BDH1: variants seen among roughly 807,000 people sequenced by gnomAD.
BDH1 encodes the protein 3-hydroxybutyrate dehydrogenase 1, also known as D-beta-hydroxybutyrate dehydrogenase, mitochondrial.
In BDH1, 30 loss-of-function variants were observed where a neutral mutation model predicts 33.1. The ratio of observed to expected loss-of-function variants is 0.91; its 90% CI spans 0.68 to 1.23. The LOEUF (loss-of-function observed/expected upper bound fraction) is 1.23, where lower values mean the gene tolerates loss of function less well. BDH1 is among the 50% of genes most tolerant of loss of function. The pLI is 0.00. For missense variants in BDH1, 443 were observed against 464.4 expected (o/e 0.95, Z 0.42); for synonymous variants, 190 against 183.6 (o/e 1.03, Z -0.28).
intron 1 of BDH1, among the ~76,000 whole-genome samples, chr3:197,566,686 A>G (rs1180725631): frequency 6.6e-6 from 1 of 152,260 alleles, no homozygotes; most frequent in African/African-American, 2.4e-5. Context: ...GAGAAACATT[A>G]TGATTCAAAA....
intron 2 of BDH1, among the ~76,000 whole-genome samples, chr3:197,547,305 G>A (rs1716168818): frequency 6.6e-6 from 1 of 152,206 alleles, no homozygotes; most frequent in Non-Finnish European, 1.5e-5. Context: ...AAGGCGGGCT[G>A]GTAAATGGGT....
chr3:197,544,668 G>A (rs553916001), intron 3 of BDH1, among the ~76,000 whole-genome samples: 2 of 152,360 alleles, frequency 1.3e-5, no homozygotes, highest in African/African-American at 4.8e-5. Flanking sequence ...TGCCAATGGG[G>A]CATTCTAAAC....
chr3:197,519,744 C>T (rs762638010), intron 6 of BDH1, among the ~76,000 whole-genome samples: 17 of 152,146 alleles, frequency 1.1e-4, no homozygotes, highest in Non-Finnish European at 1.9e-4. Flanking sequence ...TGCCCACGGC[C>T]TGCTCTCGGG....
chr3:197,514,104 C>T lies in BDH1; in HGVS notation c.562+160G>A. The T allele has an allele frequency of 2.0e-6, 2 of 980,680 alleles. No individual in the cohort carries two copies. The highest frequency in any genetic ancestry group is 2.9e-6 in the Non-Finnish European group (2 of 693,712). 60.7% of individuals were successfully genotyped at this position (980,680 alleles called of 1,614,324 possible). A position where few individuals can be genotyped will look rare whatever the true frequency, so the allele number is the denominator to read the frequency against. On this transcript the variant is annotated intron_variant, in intron 7 of 7. Transcript: ENST00000392379. The surrounding 1 kb of genome is among the most constrained non-coding windows in gnomAD (Gnocchi z 4.2). ...CCCCTACCCGGCCACAGCCCCTCTG[C>T]CCACCATCACCCCAGGCCCAGCATA...
Position 197,554,458 on chromosome 3 carries a change from A to C in BDH1, c.-44+104T>G, listed in dbSNP as rs1437850440. ...TGTAAATGTGTATTGAGTGAATATG[A>C]AAGCTTCACAAATTTCAAGGGTCAG... On this transcript the variant is annotated intron_variant, in intron 2 of 7. Coordinates refer to ENST00000392379, the MANE Select transcript of BDH1 (RefSeq NM_203314.3). The surrounding 1 kb of genome is among the most constrained non-coding windows in gnomAD (Gnocchi z 4.4). 3.3e-5 allele frequency: 5 copies of C among 152,226 alleles called. No homozygotes were observed. Among genetic ancestry groups the C allele is most frequent in the African/African-American group, 1.2e-4 (5 of 41,448 alleles). 9.4% of individuals were successfully genotyped at this position (152,226 alleles called of 1,614,324 possible). A position where few individuals can be genotyped will look rare whatever the true frequency, so the allele number is the denominator to read the frequency against.
chr3:197,524,758 CT>C (rs1483712023), intron 5 of BDH1, among the ~76,000 whole-genome samples: 7 of 151,700 alleles, frequency 4.6e-5, no homozygotes, highest in Admixed American at 1.3e-4. Context: ...TGGGGGGATG[CT>C]TGAGGATGGG....
At chr3:197,539,138 T>C (rs562397416) in intron 3 of BDH1, among the ~76,000 whole-genome samples, 38 of 152,000 alleles carry the variant, frequency 2.5e-4, no homozygotes, top group African/African-American at 8.0e-4. Flanking sequence ...TGAGATGGAG[T>C]TATATTTGAG....
chr3:197,559,703 G>T (rs1393126414), upstream of BDH1, among the ~76,000 whole-genome samples: 1 of 152,216 alleles, frequency 6.6e-6, no homozygotes, highest in Non-Finnish European at 1.5e-5. Context: ...CAAAGGCCCT[G>T]CCCCTTAGGG....
In BDH1 at chr3:197,521,173, T is replaced by A. The variant is rs1713505823; in HGVS notation, c.409+1467A>T. Among the ~76,000 whole-genome samples the A allele has an allele frequency of 1.3e-5, 2 of 152,202 alleles. No individual in the cohort carries two copies. The highest frequency in any genetic ancestry group is 4.8e-5 in the African/African-American group (2 of 41,448). On this transcript the variant is annotated intron_variant, in intron 6 of 7. Coordinates refer to ENST00000392379, the MANE Select transcript of BDH1 (RefSeq NM_203314.3). This position sits in a 1 kb window ranked among gnomAD's most constrained non-coding sequence, Gnocchi z 4.9. Reference sequence around the variant, plus strand: ...CCCATTCTGAGGGAAAGCAGAGGCCTGAATGACGCACACCCTTTCTGCCTG... The same window carrying A: ...CCCATTCTGAGGGAAAGCAGAGGCCAGAATGACGCACACCCTTTCTGCCTG...
intron 3 of BDH1, among the ~76,000 whole-genome samples, chr3:197,544,392 T>C (rs754751097): frequency 6.6e-6 from 1 of 152,212 alleles, no homozygotes; most frequent in Non-Finnish European, 1.5e-5. Flanking sequence ...TAATGCCTCA[T>C]TTTCCTTACA....
In BDH1 at chr3:197,515,015, G is replaced by C. The variant is rs563207653; in HGVS notation, c.410-599C>G. ...GGAAACCCTCAGTGTTTGGTCTCCC[G>C]GGCCGATAGCCCCGTGCTCCTTCCC... On this transcript the variant is annotated intron_variant, in intron 6 of 7. Coordinates refer to ENST00000392379, the MANE Select transcript of BDH1 (RefSeq NM_203314.3). 3.3e-5 allele frequency among the ~76,000 whole-genome samples: 5 copies of C among 152,310 alleles called. No individual in the cohort carries two copies. In the South Asian group the frequency reaches 1.0e-3, roughly 32 times the overall value.
intron 3 of BDH1, among the ~76,000 whole-genome samples, chr3:197,534,449 G>A (rs956921558): frequency 1.1e-4 from 17 of 152,186 alleles, no homozygotes; most frequent in Admixed American, 1.1e-3. Context: ...TGACACAGGG[G>A]TATGACAATT....
At position 197,516,065 on chromosome 3, in the gene BDH1, G is replaced by T. The variant is rs2567330; in HGVS notation, c.410-1649C>A. 6.6e-6 allele frequency among the ~76,000 whole-genome samples: 1 copy of T among 152,086 alleles called. No individual in the cohort carries two copies. ...TCTTCACTCTCCTCAGGCTCGCTAC[G>T]ATATGAGTACTGCCAGTACTCCTTG... On this transcript the variant is annotated intron_variant, in intron 6 of 7. Transcript: ENST00000392379. The surrounding 1 kb of genome is among the most constrained non-coding windows in gnomAD (Gnocchi z 4.2).
At chr3:197,532,251 T>C (rs1233973288) in intron 5 of BDH1, among the ~76,000 whole-genome samples, 161 bp downstream of exon 5, 1 of 152,132 alleles carries the variant, frequency 6.6e-6, no homozygotes, top group Non-Finnish European at 1.5e-5. Context: ...GGATGATGGA[T>C]GGACAAAGCT....
chr3:197,570,906 C>T (rs552265091), intron 1 of BDH1, among the ~76,000 whole-genome samples: 39 of 152,328 alleles, frequency 2.6e-4, no homozygotes, highest in South Asian at 1.2e-3. Context: ...ATGGTAGGTC[C>T]ACTGACAGCT....
In BDH1 at chr3:197,521,776, C is replaced by T. The variant is rs1430501739; in HGVS notation, c.409+864G>A. On this transcript the variant is annotated intron_variant, in intron 6 of 7. Transcript: ENST00000392379. The surrounding 1 kb of genome is among the most constrained non-coding windows in gnomAD (Gnocchi z 4.9). ...CAACACTCCTCGCACCTGACCCTTC[C>T]TGTTTCCCAACACCTACCACCCTAG... 6.6e-6 allele frequency among the ~76,000 whole-genome samples: 1 copy of T among 152,220 alleles called. No individual in the cohort carries two copies. Among genetic ancestry groups the T allele is most frequent in the East Asian group, 1.9e-4 (1 of 5,202 alleles).
At chr3:197,519,836 G>A (rs887129534) in intron 6 of BDH1, among the ~76,000 whole-genome samples, 23 of 152,044 alleles carry the variant, frequency 1.5e-4, no homozygotes, top group Non-Finnish European at 3.2e-4. Flanking sequence ...AGCGTCCTGC[G>A]GGGGTCGGGG....
chr3:197,541,488 G>GAA (rs1560330241), intron 3 of BDH1, among the ~76,000 whole-genome samples: 1 of 147,168 alleles, frequency 6.8e-6, no homozygotes, highest in African/African-American at 2.6e-5. Flanking sequence ...GAATTGCTTC[G>GAA]AAAATTAATC....
At chr3:197,550,341 C>T (rs1263732589) in intron 2 of BDH1, among the ~76,000 whole-genome samples, 1 of 152,190 alleles carries the variant, frequency 6.6e-6, no homozygotes, top group Admixed American at 6.5e-5. Flanking sequence ...GAGAGACATT[C>T]CAGTCACCAG....
Sources: gnomAD v4.1 joint callset for allele counts (sites outside exome capture counted in the v4.1 genomes callset) on GRCh38, gnomAD v4.1.1 for gene constraint, Gnocchi (gnomAD v3.1) non-coding constraint, MANE v1.5 for transcripts, NCBI Gene and HGNC (gene_info 2026-07-23, HGNC 2026-07-21) for gene names.